ZMYM6: variants seen among roughly 807,000 people sequenced by gnomAD.
ZMYM6 encodes zinc finger MYM-type protein 6.
A neutral mutation model predicts 134.0 loss-of-function variants in ZMYM6; 90 were observed. The observed-to-expected ratio is 0.67, with a 90% confidence interval of 0.57 to 0.80. The LOEUF is 0.80. ZMYM6 is among the 30% of genes least tolerant of loss of function. The pLI is 0.00. For synonymous variants in ZMYM6, 481 were observed against 524.1 expected, an observed-to-expected ratio of 0.92 and a Z score of 1.12; for missense variants, 1,362 against 1,533.9, an observed-to-expected ratio of 0.89 and a Z score of 1.87.
intron 15 of ZMYM6, chr1:34,989,139 C>T: frequency 7.4e-7 from 1 of 1,360,066 alleles, no homozygotes; most frequent in Non-Finnish European, 9.4e-7. Context: ...AGCTTGATCA[C>T]TAGGTATAAT....
chr1:35,019,311 A>G lies in ZMYM6; in HGVS notation c.428+42T>C, dbSNP rs747051838. 3.1e-6 allele frequency: 5 copies of G among 1,603,032 alleles called. No homozygotes were observed. In the South Asian group the frequency reaches 4.4e-5, roughly 14 times the overall value. On this transcript the variant is annotated intron_variant, in intron 4 of 15. Coordinates refer to ENST00000357182, the MANE Select transcript of ZMYM6 (RefSeq NM_007167.4). The stretch of plus-strand genomic sequence containing the variant: ...GTTTGAACTAAACAATATACACACT[A>G]AAAAAAAGGTAAAGTAAAAAGGGAT...
At chr1:34,999,168 A>C (rs1203199492) in intron 14 of ZMYM6, among the ~76,000 whole-genome samples, 1 of 152,202 alleles carries the variant, frequency 6.6e-6, no homozygotes, top group Non-Finnish European at 1.5e-5. Flanking sequence ...GACTGAGAAA[A>C]GGGCCAAGTA....
chr1:35,019,713 C>A, intron 3 of ZMYM6, 111 bp from the exon 4 acceptor site: 2 of 1,305,976 alleles, frequency 1.5e-6, no homozygotes, highest in Non-Finnish European at 2.0e-6. Context: ...CTCACTGTCA[C>A]CCAGGCTGGA....
rs143550182 is a variant in ZMYM6 at position 35,019,527 on chromosome 1, G to A, written c.254C>T (p.Ala85Val). Reference protein sequence around the residue: ...GPSVLLPSVPAVAIKVFCSGC... With the variant: ...GPSVLLPSVPVVAIKVFCSGC... ...AGAACAAAAAACCTTAATAGCAACA[G>A]CTGGAACTGAAGGAAGCAACACACT... The change falls in exon 4 of 16, where the codon GCT (alanine) becomes GTT (valine). Residue 85 changes from alanine to valine, a missense_variant. Ala to Val is a moderately conservative substitution (Grantham distance 64, BLOSUM62 0). Transcript: ENST00000357182. 177 of 1,614,152 alleles carry A rather than the reference G, an allele frequency of 1.1e-4. No individual in the cohort carries two copies. The highest frequency in any genetic ancestry group is 5.5e-4 in the Admixed American group (33 of 60,024).
intron 14 of ZMYM6, among the ~76,000 whole-genome samples, chr1:35,001,941 T>TA (rs1640888896): frequency 1.3e-5 from 2 of 152,372 alleles, no homozygotes; most frequent in East Asian, 1.9e-4. Flanking sequence ...TTCTTTTTTT[T>TA]ATCACTGAGG....
At chr1:35,006,696 C>G (rs1298679595) in intron 12 of ZMYM6, among the ~76,000 whole-genome samples, 1 of 152,168 alleles carries the variant, frequency 6.6e-6, no homozygotes, top group Non-Finnish European at 1.5e-5. Context: ...AAAAAGCAAT[C>G]AAATCTAAGT....
chr1:34,992,319 C>A lies in ZMYM6; in HGVS notation c.2061G>T (p.Lys687Asn). The A allele has an allele frequency of 6.2e-7, 1 of 1,614,048 alleles. No individual in the cohort carries two copies. Among genetic ancestry groups the A allele is most frequent in the South Asian group, 1.1e-5 (1 of 91,088 alleles). Residue 687 changes from lysine to asparagine, a missense_variant, in exon 15 of 16, where the codon AAG becomes AAT. Lys to Asn is a moderately conservative substitution (Grantham distance 94). Coordinates refer to ENST00000357182, the MANE Select transcript of ZMYM6 (RefSeq NM_007167.4). ...SQSSQPSRLL[K>N]NKGISCKPVT... ...CGGGTTTGCATGATATGCCTTTGTT[C>A]TTTAAAAGCCTGGAAGGCTGGGAAG...
At chr1:35,004,092 C>G in intron 13 of ZMYM6, 87 bp from the exon 14 acceptor site, 1 of 1,228,090 alleles carries the variant, frequency 8.1e-7, no homozygotes, top group Non-Finnish European at 1.2e-6. Context: ...TCCCATTAAG[C>G]TGGGCTAGAG....
At chr1:34,999,954 G>A (rs1569754447) in intron 14 of ZMYM6, among the ~76,000 whole-genome samples, 1 of 152,020 alleles carries the variant, frequency 6.6e-6, no homozygotes, top group Non-Finnish European at 1.5e-5. Flanking sequence ...TTAGAGACAG[G>A]GTCTCACTCT....
chr1:35,022,863 G>A (rs1002850096), intron 2 of ZMYM6, among the ~76,000 whole-genome samples: 1 of 152,072 alleles, frequency 6.6e-6, no homozygotes, highest in Non-Finnish European at 1.5e-5. Context: ...GCCCAACACA[G>A]TCAACATAAC....
At chr1:34,998,232 T>C (rs1640819700) in intron 14 of ZMYM6, among the ~76,000 whole-genome samples, 1 of 152,188 alleles carries the variant, frequency 6.6e-6, no homozygotes, top group Non-Finnish European at 1.5e-5. Context: ...GAGCTGAGAT[T>C]GTACCACTGC....
intron 6 of ZMYM6, chr1:35,012,972 T>C: frequency 1.0e-6 from 1 of 984,138 alleles, no homozygotes; most frequent in Non-Finnish European, 1.2e-6. Flanking sequence ...GTTACTTAAT[T>C]TGTGAGATTC....
rs1000269768 is a variant in ZMYM6 at position 35,007,118 on chromosome 1, C to T, written c.1666-20G>A. 5 of 1,575,076 alleles carry T rather than the reference C, an allele frequency of 3.2e-6. No homozygotes were observed. The highest frequency in any genetic ancestry group is 3.8e-5 in the Admixed American group (2 of 52,678). ...GGCCATCTGAAAAAGAAATGTTAGA[C>T]AAGATAGGCTTAAAACTATAAAATA... On this transcript the variant is annotated intron_variant, in intron 11 of 15. Coordinates refer to ENST00000357182, the MANE Select transcript of ZMYM6 (RefSeq NM_007167.4).
intron 15 of ZMYM6, chr1:34,990,420 T>C (rs1640652520): frequency 6.0e-6 from 1 of 166,016 alleles, no homozygotes. Context: ...CAGGTGGAGG[T>C]TGCAGTGAGC....
chr1:34,988,271 A>G lies in ZMYM6; in HGVS notation c.2811T>C (p.Asp937=). Residue 937 remains aspartate, a synonymous_variant, in exon 16 of 16, where the codon GAT becomes GAC. Transcript: ENST00000357182. The stretch of plus-strand genomic sequence containing the variant: ...TGCAAAATAATAATTCTTCTTTTAC[A>G]TCACGACAATCATAATCAATGAAAC... ...YIRFIDYDCR[D]VKEELLFCIE... is the part of the protein sequence containing the mutation. 6.4e-7 allele frequency: 1 copy of G among 1,550,588 alleles called. No individual in the cohort carries two copies. The highest frequency in any genetic ancestry group is 8.7e-7 in the Non-Finnish European group (1 of 1,146,348).
intron 13 of ZMYM6, 100 bp downstream of exon 13, chr1:35,005,032 T>C (rs1449408062): frequency 1.4e-6 from 2 of 1,421,396 alleles, no homozygotes; most frequent in Non-Finnish European, 1.9e-6. Flanking sequence ...CACTCCAGCC[T>C]GGGCAACAAG....
At chr1:35,002,472 T>C (rs1043102325) in intron 14 of ZMYM6, among the ~76,000 whole-genome samples, 3 of 152,226 alleles carry the variant, frequency 2.0e-5, no homozygotes, top group African/African-American at 7.2e-5. Flanking sequence ...AAAATGAAAA[T>C]ACTGATGCCT....
At chr1:34,996,205 T>C (rs915018374) in intron 14 of ZMYM6, among the ~76,000 whole-genome samples, 14 of 152,318 alleles carry the variant, frequency 9.2e-5, no homozygotes, top group African/African-American at 3.4e-4. Context: ...TATCAATAGA[T>C]GTGGGCCTTT....
chr1:35,003,271 A>G (rs1640912302), intron 14 of ZMYM6, among the ~76,000 whole-genome samples: 1 of 151,582 alleles, frequency 6.6e-6, no homozygotes, highest in South Asian at 2.1e-4. Flanking sequence ...ATAAAGGATG[A>G]TGGGAATTTT....
Sources: allele counts gnomAD v4.1 joint callset (sites outside exome capture counted in the v4.1 genomes callset), GRCh38; gene constraint gnomAD v4.1.1; transcripts MANE v1.5; gene names NCBI Gene and HGNC (gene_info 2026-07-23, HGNC 2026-07-21).